BAZ1B: variants seen among roughly 807,000 people sequenced by gnomAD.
The protein encoded by BAZ1B is tyrosine-protein kinase BAZ1B.
Under a neutral mutation model 153.8 loss-of-function variants are expected in BAZ1B, and 22 were observed. The observed-to-expected ratio is 0.14, with a 90% CI of 0.10 to 0.20. The LOEUF is 0.20. BAZ1B is among the 10% of genes least tolerant of loss of function. The pLI is 1.00. For synonymous variants in BAZ1B, 676 were observed against 633.4 expected (o/e 1.07, Z -1.01); for missense variants, 1,325 against 1,799.3 (o/e 0.74, Z 4.77).
chr7:73,487,935 A>C (rs544749399), intron 6 of BAZ1B, among the ~76,000 whole-genome samples: 1 of 152,346 alleles, frequency 6.6e-6, no homozygotes, highest in East Asian at 1.9e-4. Flanking sequence ...TGCTAAAACC[A>C]TGACTGGAGG....
chr7:73,451,443 C>T (rs1324237255), intron 13 of BAZ1B, among the ~76,000 whole-genome samples: 1 of 152,134 alleles, frequency 6.6e-6, no homozygotes, highest in African/African-American at 2.4e-5. Context: ...AGGAAAACAG[C>T]CAGTTATCCT....
intron 12 of BAZ1B, chr7:73,462,618 A>C: frequency 3.0e-6 from 1 of 337,574 alleles, no homozygotes; most frequent in Non-Finnish European, 5.5e-6. Context: ...ATCGCAAGGT[A>C]AAGATGTTAA....
At chr7:73,462,377 A>G (rs1788425407) in intron 12 of BAZ1B, 1 of 157,606 alleles carries the variant, frequency 6.3e-6, no homozygotes, top group South Asian at 1.8e-4. Flanking sequence ...GATGGATACT[A>G]TTCACCAATC....
chr7:73,503,311 T>C (rs917852713), intron 3 of BAZ1B, among the ~76,000 whole-genome samples: 35 of 152,216 alleles, frequency 2.3e-4, no homozygotes, highest in African/African-American at 6.8e-4. Context: ...TCCTGCATTA[T>C]TGATGAGTTT....
At chr7:73,514,131 C>G (rs757986919) in intron 1 of BAZ1B, among the ~76,000 whole-genome samples, 46 of 152,180 alleles carry the variant, frequency 3.0e-4, no homozygotes, top group Non-Finnish European at 4.6e-4. Flanking sequence ...CATGTTGGGG[C>G]TCAAAAACTT....
At position 73,442,812 on chromosome 7, in the gene BAZ1B, C is replaced by T. The variant is rs782528958; in HGVS notation, c.4007G>A (p.Arg1336Gln). The T allele has an allele frequency of 1.2e-5, 19 of 1,613,714 alleles. No homozygotes were observed. The highest frequency in any genetic ancestry group is 5.3e-5 in the African/African-American group (4 of 74,894). Residue 1336 changes from arginine to glutamine, a missense_variant, in exon 18 of 20, where the codon CGG becomes CAG. Coordinates refer to ENST00000339594, the MANE Select transcript of BAZ1B (RefSeq NM_032408.4). Reference sequence around the variant, plus strand: ...CTCCAGGCTTTGCCTCCGGGAGCTCCGCTTGGTCTGAAGCACCTGGCAGGA... The same window carrying T: ...CTCCAGGCTTTGCCTCCGGGAGCTCTGCTTGGTCTGAAGCACCTGGCAGGA... ...EVDELVLQTK[R>Q]SSRRQSLELQ...
intron 2 of BAZ1B, 56 bp downstream of exon 2, chr7:73,510,680 C>G (rs2115564690): frequency 6.7e-7 from 1 of 1,494,380 alleles, no homozygotes; most frequent in South Asian, 1.1e-5. Flanking sequence ...GTTAATATTC[C>G]CTCCTTTCCT....
At chr7:73,502,303 C>T (rs1790165392) in intron 3 of BAZ1B, among the ~76,000 whole-genome samples, 1 of 152,080 alleles carries the variant, frequency 6.6e-6, no homozygotes, top group South Asian at 2.1e-4. Context: ...CTGGGATAAA[C>T]CCCTCTATAT....
At chr7:73,512,750 G>A (rs1790639944) in intron 1 of BAZ1B, among the ~76,000 whole-genome samples, 1 of 152,198 alleles carries the variant, frequency 6.6e-6, no homozygotes, top group Non-Finnish European at 1.5e-5. Flanking sequence ...TATATTCCAA[G>A]TGACACATTT....
At chr7:73,491,881 T>C (rs968994628) in intron 5 of BAZ1B, among the ~76,000 whole-genome samples, 3 of 152,038 alleles carry the variant, frequency 2.0e-5, no homozygotes. Flanking sequence ...CCACACCCAG[T>C]CTCCTAATCC....
rs1327047687 is a variant in BAZ1B at position 73,450,436 on chromosome 7, C to T, written c.3580+411G>A. ...GCAAGGGGCTTCTAACCATGAAGTTCCTTTTGCACATATGAGACTGCATGC... is the reference window on the plus strand; with the variant it reads ...GCAAGGGGCTTCTAACCATGAAGTTTCTTTTGCACATATGAGACTGCATGC... On this transcript the variant is annotated intron_variant, in intron 14 of 19. Transcript: ENST00000339594. The surrounding 1 kb of genome is among the most constrained non-coding windows in gnomAD (Gnocchi z 4.1). 2.0e-5 allele frequency among the ~76,000 whole-genome samples: 3 copies of T among 152,184 alleles called. No homozygotes were observed. The highest frequency in any genetic ancestry group is 4.4e-5 in the Non-Finnish European group (3 of 68,036).
At chr7:73,495,392 A>C (rs1190850773) in intron 4 of BAZ1B, among the ~76,000 whole-genome samples, 1 of 152,240 alleles carries the variant, frequency 6.6e-6, no homozygotes, top group East Asian at 1.9e-4. Context: ...ACAAACAGTT[A>C]AGAATTCAAA....
At chr7:73,455,364 T>G (rs1201868112) in intron 13 of BAZ1B, among the ~76,000 whole-genome samples, 1 of 152,248 alleles carries the variant, frequency 6.6e-6, no homozygotes, top group East Asian at 1.9e-4. Flanking sequence ...CATAATGTAA[T>G]GTTCTCAAAT....
chr7:73,444,469 T>G (rs1457877544), intron 16 of BAZ1B, among the ~76,000 whole-genome samples: 2 of 152,192 alleles, frequency 1.3e-5, no homozygotes, highest in African/African-American at 4.8e-5. Context: ...GAGAAGCCAT[T>G]TGCTAATAGG....
At chr7:73,510,304 C>A (rs181245487) in intron 2 of BAZ1B, among the ~76,000 whole-genome samples, 9 of 152,180 alleles carry the variant, frequency 5.9e-5, no homozygotes, top group Middle Eastern at 3.4e-3. Context: ...TGGCGAGCAC[C>A]TGTAGTCCCA....
chr7:73,453,128 C>T (rs1408923355), intron 13 of BAZ1B, among the ~76,000 whole-genome samples: 1 of 152,214 alleles, frequency 6.6e-6, no homozygotes, highest in African/African-American at 2.4e-5. Context: ...AACTTTGGCC[C>T]TTGCTAAGTG....
intron 6 of BAZ1B, among the ~76,000 whole-genome samples, chr7:73,478,894 T>C (rs1186211504): frequency 1.3e-5 from 2 of 152,206 alleles, no homozygotes; most frequent in Non-Finnish European, 2.9e-5. Flanking sequence ...ACAAAAACTA[T>C]GCATACAATT....
At chr7:73,490,402 A>T (rs561044087) in intron 5 of BAZ1B, among the ~76,000 whole-genome samples, 23 of 152,198 alleles carry the variant, frequency 1.5e-4, no homozygotes, top group Admixed American at 1.1e-3. Context: ...ATACAAAAAA[A>T]TTTTTTTTAA....
At chr7:73,449,729 A>G (rs782567162) in intron 14 of BAZ1B, 40 bp from the exon 15 acceptor site, 21 of 1,604,148 alleles carry the variant, frequency 1.3e-5, no homozygotes, top group East Asian at 2.2e-5. Flanking sequence ...TTGGGAGCAC[A>G]GCAGCAGTCA....
Sources: allele counts gnomAD v4.1 joint callset (sites outside exome capture counted in the v4.1 genomes callset), GRCh38; gene constraint gnomAD v4.1.1; non-coding constraint Gnocchi (gnomAD v3.1); transcripts MANE v1.5; gene names NCBI Gene and HGNC (gene_info 2026-07-23, HGNC 2026-07-21).